DDX10: variants seen among roughly 807,000 people sequenced by gnomAD.
The protein encoded by DDX10 is probable ATP-dependent RNA helicase DDX10.
A neutral mutation model predicts 104.3 loss-of-function variants in DDX10; 74 were observed. The observed-to-expected ratio is 0.71, with a 90% CI of 0.59 to 0.86. The LOEUF (loss-of-function observed/expected upper bound fraction) is 0.86, where lower values mean the gene tolerates loss of function less well. Ranked by LOEUF, DDX10 falls within the 40% of genes least tolerant of loss-of-function variation. The pLI, the probability that DDX10 is intolerant of heterozygous loss-of-function variation, is 0.00. For missense variants in DDX10, 952 were observed against 1,040.0 expected, an observed-to-expected ratio of 0.92 and a Z score of 1.16; for synonymous variants, 351 against 353.4, an observed-to-expected ratio of 0.99 and a Z score of 0.08.
intron 16 of DDX10, among the ~76,000 whole-genome samples, chr11:108,898,476 A>T (rs1423187299): frequency 6.6e-6 from 1 of 152,094 alleles, no homozygotes; most frequent in African/African-American, 2.4e-5. Context: ...GCTCTCAAGG[A>T]TGTAAAATAA....
At chr11:108,823,216 G>A (rs922123550) in intron 13 of DDX10, among the ~76,000 whole-genome samples, 1 of 152,118 alleles carries the variant, frequency 6.6e-6, no homozygotes, top group African/African-American at 2.4e-5. Flanking sequence ...ACATCATCCT[G>A]GCACATTTTG....
chr11:108,910,785 GTGTGTCTGTGTGTGTC>G (rs1164025601), intron 16 of DDX10, among the ~76,000 whole-genome samples: 4 of 105,100 alleles, frequency 3.8e-5, no homozygotes, highest in African/African-American at 1.4e-4. Flanking sequence ...GTGTGTGTGT[GTGTGTCTGTGTGTGTC>G]TGTGTCTGTG....
intron 16 of DDX10, among the ~76,000 whole-genome samples, chr11:108,857,387 AG>A (rs1412326475): frequency 6.6e-6 from 1 of 152,164 alleles, no homozygotes; most frequent in East Asian, 1.9e-4. Context: ...CATGTGTAAA[AG>A]GTTACCCCTT....
chr11:108,742,381 C>T (rs752229093), intron 13 of DDX10, among the ~76,000 whole-genome samples: 3 of 151,262 alleles, frequency 2.0e-5, no homozygotes, highest in Non-Finnish European at 4.4e-5. Flanking sequence ...GCCTGACCAA[C>T]ATGGTGAAAC....
At chr11:108,734,306 A>G (rs2094315807) in intron 13 of DDX10, among the ~76,000 whole-genome samples, 1 of 152,182 alleles carries the variant, frequency 6.6e-6, no homozygotes, top group Non-Finnish European at 1.5e-5. Flanking sequence ...AGATGTTGCC[A>G]GCTGAAATAG....
At chr11:108,785,657 T>A (rs1318812378) in intron 13 of DDX10, among the ~76,000 whole-genome samples, 1 of 152,202 alleles carries the variant, frequency 6.6e-6, no homozygotes, top group Admixed American at 6.5e-5. Context: ...TGGTTCAATC[T>A]TGAGGTTTTG....
chr11:108,674,592 C>T (rs549913778), intron 2 of DDX10, among the ~76,000 whole-genome samples: 1 of 151,922 alleles, frequency 6.6e-6, no homozygotes, highest in South Asian at 2.1e-4. Context: ...CTCACTGCAT[C>T]CTCAGCCTTC....
At position 108,830,247 on chromosome 11, in the gene DDX10, T is replaced by C. The variant is rs1251574069; in HGVS notation, c.1966-8199T>C. On this transcript the variant is annotated intron_variant, in intron 13 of 17. Transcript: ENST00000322536. ...TGTGATTTCTTTCAGCAGCAGTGTT[T>C]TGTAGTTTTCCTTGTGGTTTTTCAC... Among the ~76,000 whole-genome samples the C allele has an allele frequency of 2.0e-5, 3 of 152,358 alleles. No individual in the cohort carries two copies. The East Asian group carries it at 5.8e-4, about 29-fold the overall frequency.
chr11:108,913,690 A>G (rs1386512844), intron 16 of DDX10, among the ~76,000 whole-genome samples: 1 of 152,170 alleles, frequency 6.6e-6, no homozygotes, highest in African/African-American at 2.4e-5. Context: ...TTGGTAAATT[A>G]TCTCTTAAAT....
chr11:108,871,757 C>G (rs1324293729), intron 16 of DDX10, among the ~76,000 whole-genome samples: 1 of 152,074 alleles, frequency 6.6e-6, no homozygotes, highest in Non-Finnish European at 1.5e-5. Context: ...GGAGAAACCC[C>G]ATCTCTACTA....
rs1438551126 is a variant in DDX10, at chr11:108,723,275, A to T, written c.1778A>T (p.Glu593Val). The change falls in exon 13 of 18, where the codon GAA (glutamate) becomes GTA (valine). Residue 593 changes from glutamate to valine, a missense_variant. This residue lies in a region of DDX10 where 533 missense variants were observed against 534.1 expected (regional missense o/e 1.00). Transcript: ENST00000322536. ...GAAGAAGACGATGAAGAAGAAATGG[A>T]AGAGAAACTGGCAAAAGCAAAAGGA... Reference protein sequence around the residue: ...EEEEDDEEEMEEKLAKAKGSQ... With the variant: ...EEEEDDEEEMVEKLAKAKGSQ... 1.9e-6 allele frequency: 3 copies of T among 1,613,440 alleles called. No individual in the cohort carries two copies. Among genetic ancestry groups the T allele is most frequent in the East Asian group, 2.2e-5 (1 of 44,824 alleles).
At chr11:108,732,381 A>G (rs2094313377) in intron 13 of DDX10, among the ~76,000 whole-genome samples, 1 of 152,130 alleles carries the variant, frequency 6.6e-6, no homozygotes, top group African/African-American at 2.4e-5. Context: ...GCCTACCATT[A>G]TTTGTGTGTA....
At chr11:108,783,523 A>G (rs1430383593) in intron 13 of DDX10, among the ~76,000 whole-genome samples, 1 of 152,170 alleles carries the variant, frequency 6.6e-6, no homozygotes, top group Non-Finnish European at 1.5e-5. Flanking sequence ...TTTTGGATGT[A>G]CAAACTGGGA....
chr11:108,817,218 A>C (rs1862267739), intron 13 of DDX10, among the ~76,000 whole-genome samples: 1 of 151,946 alleles, frequency 6.6e-6, no homozygotes. Context: ...GGTAAAATCT[A>C]CCTCCTGACT....
intron 13 of DDX10, among the ~76,000 whole-genome samples, chr11:108,817,511 C>T (rs1784253304): frequency 6.6e-6 from 1 of 152,100 alleles, no homozygotes; most frequent in Non-Finnish European, 1.5e-5. Context: ...CCAGTTACTC[C>T]CTAGCCCCTT....
chr11:108,758,582 C>T (rs375375712), intron 13 of DDX10, among the ~76,000 whole-genome samples: 5 of 152,178 alleles, frequency 3.3e-5, no homozygotes, highest in African/African-American at 1.2e-4. Context: ...GTTTCCCTTT[C>T]TGGGAGGCTC....
intron 13 of DDX10, among the ~76,000 whole-genome samples, chr11:108,772,973 T>G (rs2094365216): frequency 6.6e-6 from 1 of 152,212 alleles, no homozygotes; most frequent in South Asian, 2.1e-4. Context: ...TGGTAAAATT[T>G]CGGTATTATT....
chr11:108,747,079 C>T (rs1444460970), intron 13 of DDX10, among the ~76,000 whole-genome samples: 1 of 152,012 alleles, frequency 6.6e-6, no homozygotes, highest in African/African-American at 2.4e-5. Context: ...TAGAATTGAA[C>T]ATGTATGTAA....
chr11:108,839,395 C>T (rs973628356), intron 14 of DDX10, among the ~76,000 whole-genome samples: 8 of 152,178 alleles, frequency 5.3e-5, no homozygotes, highest in Non-Finnish European at 1.2e-4. Context: ...TGACTATTGT[C>T]AGTTTCTTCC....
Sources: gnomAD v4.1 joint callset for allele counts (sites outside exome capture counted in the v4.1 genomes callset) on GRCh38, gnomAD v4.1.1 for gene constraint, gnomAD v4.1.1 regional missense constraint, MANE v1.5 for transcripts, NCBI Gene and HGNC (gene_info 2026-07-23, HGNC 2026-07-21) for gene names.